The following PRRC2C variants were observed in gnomAD, a reference collection of about 807,000 sequenced individuals.
The protein encoded by PRRC2C is protein PRRC2C.
In PRRC2C, 72 loss-of-function variants were observed where a neutral mutation model predicts 317.2. The ratio of observed to expected loss-of-function variants is 0.23; its 90% confidence interval spans 0.19 to 0.28. PRRC2C has a LOEUF of 0.28. Ranked by LOEUF, PRRC2C falls within the 10% of genes least tolerant of loss-of-function variation. PRRC2C has a pLI of 1.00. For synonymous variants in PRRC2C, 1,296 were observed against 1,205.9 expected, an observed-to-expected ratio of 1.07 and a Z score of -1.55; for missense variants, 3,074 against 3,459.7, an observed-to-expected ratio of 0.89 and a Z score of 2.80.
chr1:171,540,003 C>T lies in PRRC2C; in HGVS notation c.2537C>T (p.Thr846Ile). Reference protein sequence around the residue: ...SEAALDQEQITAAYSVEHNQL... With the variant: ...SEAALDQEQIIAAYSVEHNQL... ...GCTGCGTTGGACCAGGAACAGATTA[C>T]TGCTGCTTATTCTGTAGAACATAAT... The change falls in exon 16 of 35, where the codon ACT (threonine) becomes ATT (isoleucine). Residue 846 changes from threonine (T) to isoleucine (I), a missense_variant. Transcript: ENST00000647382. 1 of 1,613,200 alleles carries T rather than the reference C, an allele frequency of 6.2e-7. No individual in the cohort carries two copies. The highest frequency in any genetic ancestry group is 8.5e-7 in the Non-Finnish European group (1 of 1,179,556).
At chr1:171,548,733 G>C (rs752032194) in intron 17 of PRRC2C, among the ~76,000 whole-genome samples, 8 of 152,192 alleles carry the variant, frequency 5.3e-5, no homozygotes, top group African/African-American at 9.6e-5. Context: ...TAATTGGTTA[G>C]TTGGAAAATA....
chr1:171,512,940 A>T, intron 2 of PRRC2C, 55 bp from the exon 3 acceptor site: 1 of 1,463,736 alleles, frequency 6.8e-7, no homozygotes, highest in Non-Finnish European at 9.2e-7. Flanking sequence ...TGTTTGAGGA[A>T]TAAAATGGGT....
At position 171,541,131 on chromosome 1, in the gene PRRC2C, A is replaced by C. The variant is rs747303348; in HGVS notation, c.3665A>C (p.Gln1222Pro). Residue 1222 changes from glutamine (Q) to proline (P), a missense_variant, in exon 16 of 35, where the codon CAG (glutamine) becomes CCG (proline). Physicochemically the swap from Gln to Pro is moderately conservative, Grantham distance 76. Coordinates refer to ENST00000647382, the MANE Select transcript of PRRC2C (RefSeq NM_001387844.1). This position sits in a 1 kb window ranked among gnomAD's most constrained non-coding sequence, Gnocchi z 4.1. Reference sequence around the variant, plus strand: ...AGGGGACACACTCGAGATTATCCTCAGTATAGAGACAATAAGCCAAGAGCA... The same window carrying C: ...AGGGGACACACTCGAGATTATCCTCCGTATAGAGACAATAAGCCAAGAGCA... ...GGRGHTRDYP[Q>P]YRDNKPRAEH... 2.5e-6 allele frequency: 4 copies of C among 1,613,770 alleles called. No homozygotes were observed. In the South Asian group the frequency reaches 4.4e-5, roughly 18 times the overall value.
chr1:171,574,916 T>C lies in PRRC2C; in HGVS notation c.6754-11T>C. Reference sequence around the variant, plus strand: ...TCATTTTTTTACTATAAAATGTCCGTTTTATTGCAGATGGAGTCTGCACGC... The same window carrying C: ...TCATTTTTTTACTATAAAATGTCCGCTTTATTGCAGATGGAGTCTGCACGC... On this transcript the variant is annotated splice_polypyrimidine_tract_variant and intron_variant, in intron 24 of 34. Coordinates refer to ENST00000647382, the MANE Select transcript of PRRC2C (RefSeq NM_001387844.1). 1 of 1,612,612 alleles carries C rather than the reference T, an allele frequency of 6.2e-7. No individual in the cohort carries two copies. The highest frequency in any genetic ancestry group is 8.5e-7 in the Non-Finnish European group (1 of 1,179,140).
At chr1:171,562,064 A>G (rs574786965) in intron 20 of PRRC2C, among the ~76,000 whole-genome samples, 1 of 152,326 alleles carries the variant, frequency 6.6e-6, no homozygotes, top group East Asian at 1.9e-4. Context: ...TACATAAGGA[A>G]TTTTCCAAGG....
intron 14 of PRRC2C, among the ~76,000 whole-genome samples, chr1:171,536,565 T>C (rs1676875265): frequency 6.6e-6 from 1 of 152,190 alleles, no homozygotes; most frequent in South Asian, 2.1e-4. Flanking sequence ...ATTGTTGTTC[T>C]TCTTTAAAGT....
intron 1 of PRRC2C, among the ~76,000 whole-genome samples, chr1:171,490,246 G>T (rs936822766): frequency 2.6e-5 from 4 of 152,066 alleles, no homozygotes; most frequent in African/African-American, 7.2e-5. Flanking sequence ...TGATTATTTG[G>T]CATTAGCTTC....
chr1:171,570,082 G>A (rs1175007366), intron 23 of PRRC2C, among the ~76,000 whole-genome samples: 3 of 152,140 alleles, frequency 2.0e-5, no homozygotes, highest in Non-Finnish European at 4.4e-5. Context: ...TTTGAAAGCA[G>A]AAAGATCAGT....
intron 1 of PRRC2C, among the ~76,000 whole-genome samples, chr1:171,487,048 A>G (rs1174133395): frequency 6.6e-6 from 1 of 152,174 alleles, no homozygotes; most frequent in Admixed American, 6.5e-5. Flanking sequence ...CTTTTCTGTA[A>G]GTGGATTTTC....
At chr1:171,558,764 A>T (rs1404092489) in intron 19 of PRRC2C, among the ~76,000 whole-genome samples, 2 of 152,196 alleles carry the variant, frequency 1.3e-5, no homozygotes, top group Admixed American at 6.5e-5. Flanking sequence ...GCCGATTAAT[A>T]ACTCTCTGGT....
chr1:171,540,140 A>G lies in PRRC2C; in HGVS notation c.2674A>G (p.Asn892Asp). 1 of 1,613,968 alleles carries G rather than the reference A, an allele frequency of 6.2e-7. No homozygotes were observed. Among genetic ancestry groups the G allele is most frequent in the Non-Finnish European group, 8.5e-7 (1 of 1,179,870 alleles). ...TGTTAGACCTCACCATACTGATGCA[A>G]ATAATCAGTCTGCTTGTTTTGAAGC... Reference protein sequence around the residue: ...EDVRPHHTDANNQSACFEAPD... With the variant: ...EDVRPHHTDADNQSACFEAPD... Residue 892 changes from asparagine to aspartate, a missense_variant, in exon 16 of 35, where the codon AAT becomes GAT. Physicochemically the swap from Asn to Asp is conservative, Grantham distance 23 (BLOSUM62 1). This residue lies in a region of PRRC2C where 1,320 missense variants were observed against 1,395.7 expected (regional missense o/e 0.95). Coordinates refer to ENST00000647382, the MANE Select transcript of PRRC2C (RefSeq NM_001387844.1).
chr1:171,512,962 T>A, intron 2 of PRRC2C, 33 bp from the exon 3 acceptor site: 7 of 1,557,222 alleles, frequency 4.5e-6, no homozygotes, highest in Non-Finnish European at 6.1e-6. Flanking sequence ...ATAAAATAGA[T>A]GTTCTAAGAA....
intron 32 of PRRC2C, 104 bp from the exon 33 acceptor site, chr1:171,588,275 C>G: frequency 7.7e-7 from 1 of 1,297,794 alleles, no homozygotes; most frequent in South Asian, 1.3e-5. Flanking sequence ...AAATTTTTAC[C>G]AACTACCAAG....
chr1:171,546,765 T>C (rs1458991731), intron 17 of PRRC2C, among the ~76,000 whole-genome samples: 3 of 151,416 alleles, frequency 2.0e-5, no homozygotes, highest in Non-Finnish European at 2.9e-5. Context: ...CATGCCCAGC[T>C]AATTTATTAT....
intron 1 of PRRC2C, among the ~76,000 whole-genome samples, chr1:171,494,648 C>T (rs1179892103): frequency 6.6e-6 from 1 of 152,016 alleles, no homozygotes; most frequent in Non-Finnish European, 1.5e-5. Context: ...ACAGTCACCC[C>T]TTAACATTCA....
At chr1:171,529,800 T>C (rs1047358247) in intron 11 of PRRC2C, among the ~76,000 whole-genome samples, 1 of 152,232 alleles carries the variant, frequency 6.6e-6, no homozygotes, top group African/African-American at 2.4e-5. Context: ...TAATTTCATC[T>C]GCTGTTCTTA....
chr1:171,552,789 A>T (rs956043845), intron 18 of PRRC2C, among the ~76,000 whole-genome samples: 1 of 152,058 alleles, frequency 6.6e-6, no homozygotes, highest in Non-Finnish European at 1.5e-5. Context: ...ATGTTGAATC[A>T]GCCTTGCATC....
chr1:171,550,450 TTACAGCAAAGACC>T (rs1571945368), intron 18 of PRRC2C, among the ~76,000 whole-genome samples: 1 of 144,426 alleles, frequency 6.9e-6, no homozygotes, highest in East Asian at 2.1e-4. Flanking sequence ...ATATTTTGAC[TTACAGCAAAGACC>T]ATCTTTTTTT....
chr1:171,571,383 A>C lies in PRRC2C; in HGVS notation c.6715A>C (p.Thr2239Pro), dbSNP rs1684746871. Residue 2239 changes from threonine (T) to proline (P), a missense_variant, in exon 24 of 35, where the codon ACT becomes CCT. Physicochemically the swap from Thr to Pro is conservative, Grantham distance 38 (BLOSUM62 -1). Transcript: ENST00000647382. ...GACTATACAACAGAGCTCCAGCCTA[A>C]CTTCAGTTCCTCCCACTACTTTCAG... is the stretch of plus-strand genomic sequence containing the variant. ...RETIQQSSSL[T>P]SVPPTTFSLT... is the part of the protein sequence containing the mutation. The C allele has an allele frequency of 1.2e-6, 2 of 1,612,410 alleles. No homozygotes were observed. Among genetic ancestry groups the C allele is most frequent in the South Asian group, 2.2e-5 (2 of 91,028 alleles).
Sources: allele counts gnomAD v4.1 joint callset (sites outside exome capture counted in the v4.1 genomes callset), GRCh38; gene constraint gnomAD v4.1.1; regional missense constraint gnomAD v4.1.1; non-coding constraint Gnocchi (gnomAD v3.1); transcripts MANE v1.5; gene names NCBI Gene and HGNC (gene_info 2026-07-23, HGNC 2026-07-21).